Variants in KATNAL2 observed in about 807,000 individuals in gnomAD.
KATNAL2 encodes katanin catalytic subunit A1 like 2.
KATNAL2 carries 52 observed loss-of-function variants against 76.3 expected under a neutral mutation model. The observed-to-expected ratio is 0.68, with a 90% CI of 0.55 to 0.86. KATNAL2 has a LOEUF of 0.86. Among genes scored for constraint, KATNAL2 ranks in the 40% least tolerant of loss-of-function variants. The probability of loss-of-function intolerance (pLI) is 0.00; values close to 1 mark genes in which losing one functional copy is unlikely to be tolerated. For missense variants in KATNAL2, 660 were observed against 668.9 expected, an observed-to-expected ratio of 0.99 and a Z score of 0.15; for synonymous variants, 243 against 244.2, an observed-to-expected ratio of 1.00 and a Z score of 0.05.
At chr18:47,061,190 C>T (rs1369713851) in intron 8 of KATNAL2, among the ~76,000 whole-genome samples, 1 of 152,218 alleles carries the variant, frequency 6.6e-6, no homozygotes, top group Non-Finnish European at 1.5e-5. Flanking sequence ...GTCTGTTTTG[C>T]ATTGCTATAA....
At chr18:47,096,797 T>A (rs2063261711) in intron 15 of KATNAL2, among the ~76,000 whole-genome samples, 1 of 152,192 alleles carries the variant, frequency 6.6e-6, no homozygotes, top group Admixed American at 6.5e-5. Flanking sequence ...CTGCTTTACA[T>A]AATAGTGCTA....
At chr18:46,931,099 C>G (rs1319000563) in intron 1 of KATNAL2, among the ~76,000 whole-genome samples, 1 of 74,320 alleles carries the variant, frequency 1.3e-5, no homozygotes, top group African/African-American at 4.3e-5. Context: ...GACTCCGTCT[C>G]AGGAAATAAT....
intron 3 of KATNAL2, among the ~76,000 whole-genome samples, chr18:47,035,927 G>A (rs1197628267): frequency 6.6e-6 from 1 of 152,132 alleles, no homozygotes; most frequent in Non-Finnish European, 1.5e-5. Context: ...GTTGTGTGAG[G>A]GGACTTCCCA....
At chr18:47,035,648 C>T (rs906556880) in intron 3 of KATNAL2, 2 of 412,480 alleles carry the variant, frequency 4.8e-6, no homozygotes, top group African/African-American at 4.1e-5. Context: ...CGCCCCCATA[C>T]GTACTCATGC....
At chr18:47,062,913 T>A in intron 8 of KATNAL2, 59 bp from the exon 9 acceptor site, 1 of 1,351,738 alleles carries the variant, frequency 7.4e-7, no homozygotes, top group African/African-American at 1.4e-5. Context: ...GAAACTGAGT[T>A]ATTAAGAAGA....
At chr18:47,033,529 C>G (rs768427800) in intron 3 of KATNAL2, 3 of 1,614,210 alleles carry the variant, frequency 1.9e-6, no homozygotes, top group Non-Finnish European at 2.5e-6. Flanking sequence ...GTCTGTCTCT[C>G]TAACGAGTGC....
At chr18:47,064,505 G>A (rs772450657) in intron 10 of KATNAL2, among the ~76,000 whole-genome samples, 2 of 152,110 alleles carry the variant, frequency 1.3e-5, no homozygotes, top group Admixed American at 6.5e-5. Flanking sequence ...AAAGGCGCCC[G>A]TCGGAGGATG....
At chr18:46,918,264 C>T (rs1568956346) in intron 1 of KATNAL2, among the ~76,000 whole-genome samples, 2 of 152,154 alleles carry the variant, frequency 1.3e-5, no homozygotes, top group Non-Finnish European at 2.9e-5. Context: ...CCAGAAAAAT[C>T]GCTGGACGGT....
At chr18:47,060,381 T>C (rs2061596976) in intron 8 of KATNAL2, among the ~76,000 whole-genome samples, 1 of 152,202 alleles carries the variant, frequency 6.6e-6, no homozygotes, top group Non-Finnish European at 1.5e-5. Context: ...CTGGTCTAAA[T>C]GTAATTTCAT....
chr18:46,922,045 T>C (rs2058573252), intron 1 of KATNAL2, among the ~76,000 whole-genome samples: 3 of 152,098 alleles, frequency 2.0e-5, no homozygotes, highest in African/African-American at 7.2e-5. Flanking sequence ...TCTTAGACTT[T>C]ACCAAAACTA....
chr18:47,099,707 T>C (rs2063391453), intron 16 of KATNAL2, among the ~76,000 whole-genome samples: 1 of 152,168 alleles, frequency 6.6e-6, no homozygotes, highest in Non-Finnish European at 1.5e-5. Context: ...ACTTACTCTT[T>C]GAGCCTGTTT....
At chr18:47,049,755 T>C (rs1196612345) in intron 4 of KATNAL2, among the ~76,000 whole-genome samples, 1 of 152,148 alleles carries the variant, frequency 6.6e-6, no homozygotes, top group Non-Finnish European at 1.5e-5. Flanking sequence ...TCACCTATCA[T>C]CCAGGCTGGA....
chr18:47,044,243 T>G (rs1241192683), intron 3 of KATNAL2, among the ~76,000 whole-genome samples: 1 of 152,096 alleles, frequency 6.6e-6, no homozygotes, highest in South Asian at 2.1e-4. Flanking sequence ...TTAAGAAAAT[T>G]TACAAATTTG....
chr18:47,042,340 T>C (rs1336355011), intron 3 of KATNAL2, among the ~76,000 whole-genome samples: 1 of 152,170 alleles, frequency 6.6e-6, no homozygotes, highest in African/African-American at 2.4e-5. Flanking sequence ...TCACAAACAT[T>C]TTGAAACACA....
rs1392267981 is a variant in KATNAL2 at position 47,063,188 on chromosome 18, C to CCAT, written c.649-94_649-92dup. 16 of 1,427,594 alleles carry CCAT rather than the reference C, an allele frequency of 1.1e-5. No individual in the cohort carries two copies. In the East Asian group the frequency reaches 2.1e-4, roughly 18 times the overall value. The allele number at this position is 1,427,594 out of a possible 1,614,324, so 88.4% of individuals were successfully genotyped here. A position where few individuals can be genotyped will look rare whatever the true frequency, so the allele number is the denominator to read the frequency against. On this transcript the variant is annotated intron_variant, in intron 9 of 17. Transcript: ENST00000683218. ...TCAAGTTAAAGGCCATAGCCACCTG[C>CCAT]CATCGTTTGTTTCACCAAGACCTGT...
intron 15 of KATNAL2, among the ~76,000 whole-genome samples, chr18:47,096,878 C>T (rs1355656905): frequency 6.6e-6 from 1 of 152,042 alleles, no homozygotes; most frequent in African/African-American, 2.4e-5. Flanking sequence ...TGGTTCACAC[C>T]TGTAATCCTA....
chr18:47,050,781 TAAAC>T (rs1350491336), intron 4 of KATNAL2, among the ~76,000 whole-genome samples: 2 of 152,172 alleles, frequency 1.3e-5, no homozygotes, highest in African/African-American at 2.4e-5. Flanking sequence ...TGGATTAAAA[TAAAC>T]AATCAGGGAA....
intron 3 of KATNAL2, among the ~76,000 whole-genome samples, chr18:47,031,413 C>G (rs976235115): frequency 6.6e-6 from 1 of 151,544 alleles, no homozygotes; most frequent in Non-Finnish European, 1.5e-5. Flanking sequence ...TTTTGTGTCT[C>G]TCTGTCTTTC....
chr18:47,063,054 A>G lies in KATNAL2; in HGVS notation c.632A>G (p.His211Arg), dbSNP rs377580330. The G allele has an allele frequency of 4.3e-6, 7 of 1,613,866 alleles. No homozygotes were observed. The highest frequency in any genetic ancestry group is 5.9e-6 in the Non-Finnish European group (7 of 1,179,858). The change falls in exon 9 of 18, where the codon CAT becomes CGT. Residue 211 changes from histidine to arginine, a missense_variant. Transcript: ENST00000683218. ...GAACTTGCCTTGAACACCTTCGACC[A>G]TAATCCAGACCCCTCAGTAAGTGGC... ...TSELALNTFD[H>R]NPDPSERLLK...
Sources: gnomAD v4.1 joint callset for allele counts (sites outside exome capture counted in the v4.1 genomes callset) on GRCh38, gnomAD v4.1.1 for gene constraint, MANE v1.5 for transcripts, NCBI Gene and HGNC (gene_info 2026-07-23, HGNC 2026-07-21) for gene names.